TAFA1: variants seen among roughly 807,000 people sequenced by gnomAD.
The protein encoded by TAFA1 is TAFA chemokine like family member 1.
TAFA1 carries 4 observed loss-of-function variants against 18.5 expected under a neutral mutation model. The ratio of observed to expected loss-of-function variants is 0.22; its 90% CI spans 0.11 to 0.49. The LOEUF is 0.49. Among genes scored for constraint, TAFA1 ranks in the 20% least tolerant of loss-of-function variants. The probability of loss-of-function intolerance (pLI) is 0.98; values close to 1 mark genes in which losing one functional copy is unlikely to be tolerated. For synonymous variants in TAFA1, 56 were observed against 55.2 expected (o/e 1.01, Z -0.06); for missense variants, 147 against 169.0 (o/e 0.87, Z 0.72).
Position 68,052,024 on chromosome 3 carries a change from A to G in TAFA1, c.118+45280A>G, listed in dbSNP as rs181343834. ...GTAATTTAAGGAAGTCTTTTTTTCC[A>G]TAAATTACTAAGGTGTCTCTGTCAA... is the stretch of plus-strand genomic sequence containing the variant. On this transcript the variant is annotated intron_variant, in intron 2 of 4. Coordinates refer to ENST00000478136, the MANE Select transcript of TAFA1 (RefSeq NM_213609.4). 7.2e-5 allele frequency among the ~76,000 whole-genome samples: 11 copies of G among 152,206 alleles called. No homozygotes were observed. In the East Asian group the frequency reaches 1.5e-3, roughly 21 times the overall value.
intron 2 of TAFA1, among the ~76,000 whole-genome samples, chr3:68,305,718 C>G (rs926588411): frequency 2.0e-5 from 3 of 151,540 alleles, no homozygotes; most frequent in Admixed American, 6.6e-5. Flanking sequence ...CAAGTATCAC[C>G]AAGGGAAGAG....
rs1320470718 is a variant in TAFA1 at position 68,545,164 on chromosome 3, C to T, written c.*661C>T. On this transcript the variant is annotated 3_prime_UTR_variant, in exon 5 of 5. Coordinates refer to ENST00000478136, the MANE Select transcript of TAFA1 (RefSeq NM_213609.4). ...AATATTAGCATGCAAGCTTGGCTTA[C>T]ATAGTCATACTTTATATTCAATTGA... 2 of 152,542 alleles carry T rather than the reference C, an allele frequency of 1.3e-5. No individual in the cohort carries two copies. The highest frequency in any genetic ancestry group is 4.8e-5 in the African/African-American group (2 of 41,434). The allele number at this position is 152,542 out of a possible 1,614,324, so 9.4% of individuals were successfully genotyped here.
intron 2 of TAFA1, among the ~76,000 whole-genome samples, chr3:68,262,965 A>C (rs2067465539): frequency 6.6e-6 from 1 of 152,232 alleles, no homozygotes; most frequent in African/African-American, 2.4e-5. Flanking sequence ...AAACATTGAC[A>C]CTGCTTATTT....
chr3:68,085,651 G>A (rs554152909), intron 2 of TAFA1, among the ~76,000 whole-genome samples: 2 of 152,118 alleles, frequency 1.3e-5, no homozygotes, highest in South Asian at 4.1e-4. Context: ...GCTTTTATTT[G>A]TTTTTGATTT....
chr3:67,993,174 G>C, the TAFA1 span, among the ~76,000 whole-genome samples: 2 of 152,226 alleles, frequency 1.3e-5, no homozygotes, highest in Non-Finnish European at 2.9e-5. Context: ...TTGGGTAGTA[G>C]GCTTGATACT....
intron 2 of TAFA1, among the ~76,000 whole-genome samples, chr3:68,062,552 C>T (rs1458694845): frequency 6.6e-6 from 1 of 152,148 alleles, no homozygotes; most frequent in Non-Finnish European, 1.5e-5. Context: ...CTTGACCAAA[C>T]CAATGAAAAT....
Position 68,046,084 on chromosome 3 carries a change from C to G in TAFA1, c.118+39340C>G, listed in dbSNP as rs900692515. ...TAATTCCTTCATTTTTCTCTTATCT[C>G]CATTATTTATGTAAGCCATATTCCC... On this transcript the variant is annotated intron_variant, in intron 2 of 4. Transcript: ENST00000478136. Among the ~76,000 whole-genome samples the G allele has an allele frequency of 3.3e-5, 5 of 152,240 alleles. No homozygotes were observed. In the East Asian group the frequency reaches 9.7e-4, roughly 29 times the overall value.
rs1214813037 is a variant in TAFA1, at chr3:68,223,470, A to ATG, written c.119-193800_119-193799dup. The stretch of plus-strand genomic sequence containing the variant: ...AACAATTTCTAATTTTTTTCAGAAT[A>ATG]TGTGTGTGTGTATATATGTATGTAT... On this transcript the variant is annotated intron_variant, in intron 2 of 4. Coordinates refer to ENST00000478136, the MANE Select transcript of TAFA1 (RefSeq NM_213609.4). 2.6e-5 allele frequency among the ~76,000 whole-genome samples: 4 copies of ATG among 152,142 alleles called. No individual in the cohort carries two copies. In the East Asian group the frequency reaches 7.7e-4, roughly 29 times the overall value.
At chr3:68,011,324 C>T (rs932624387) in intron 2 of TAFA1, among the ~76,000 whole-genome samples, 10 of 151,756 alleles carry the variant, frequency 6.6e-5, no homozygotes, top group African/African-American at 9.7e-5. Flanking sequence ...CAGGGGTGTA[C>T]GGAAATGATA....
At chr3:68,164,951 G>A (rs1242225663) in intron 2 of TAFA1, among the ~76,000 whole-genome samples, 1 of 151,990 alleles carries the variant, frequency 6.6e-6, no homozygotes, top group Non-Finnish European at 1.5e-5. Flanking sequence ...ATGCTGTTAT[G>A]TATATGCCTA....
intron 2 of TAFA1, among the ~76,000 whole-genome samples, chr3:68,178,415 A>G (rs2106977701): frequency 6.6e-6 from 1 of 152,326 alleles, no homozygotes; most frequent in South Asian, 2.1e-4. Flanking sequence ...AAACGTTATC[A>G]AAGAAGTAAA....
chr3:68,167,194 T>G (rs1339821907), intron 2 of TAFA1, among the ~76,000 whole-genome samples: 1 of 152,176 alleles, frequency 6.6e-6, no homozygotes, highest in Non-Finnish European at 1.5e-5. Context: ...GTGGGATGTT[T>G]CCTTTATGCT....
intron 3 of TAFA1, among the ~76,000 whole-genome samples, chr3:68,449,929 C>T (rs991379378): frequency 2.3e-4 from 35 of 152,224 alleles, no homozygotes; most frequent in African/African-American, 7.0e-4. Context: ...CTGCTCTTCT[C>T]ACTCACAGGA....
intron 2 of TAFA1, among the ~76,000 whole-genome samples, chr3:68,362,981 T>G (rs2069497293): frequency 3.3e-5 from 1 of 30,580 alleles, no homozygotes; most frequent in African/African-American, 1.3e-4. Context: ...TCTTGCAGGC[T>G]TTTTTTTTTT....
chr3:68,243,239 C>T (rs1051466336), intron 2 of TAFA1, among the ~76,000 whole-genome samples: 2 of 152,124 alleles, frequency 1.3e-5, no homozygotes, highest in Non-Finnish European at 2.9e-5. Context: ...TAATTAACAT[C>T]ATGCATAATA....
chr3:68,529,469 A>G (rs2073157691), intron 3 of TAFA1, among the ~76,000 whole-genome samples: 1 of 144,132 alleles, frequency 6.9e-6, no homozygotes, highest in Admixed American at 7.0e-5. Flanking sequence ...AAAAAAAAGA[A>G]CACAAGCTGC....
intron 3 of TAFA1, among the ~76,000 whole-genome samples, chr3:68,523,357 G>A (rs566112759): frequency 1.1e-4 from 16 of 152,322 alleles, no homozygotes; most frequent in Non-Finnish European, 1.6e-4. Flanking sequence ...AAAGTACTGT[G>A]TAGAGAGAAA....
chr3:68,531,763 A>C (rs2073191491), intron 3 of TAFA1, among the ~76,000 whole-genome samples: 1 of 152,074 alleles, frequency 6.6e-6, no homozygotes, highest in Non-Finnish European at 1.5e-5. Context: ...TTATTATTTT[A>C]GAGAGACAGT....
At chr3:68,289,340 T>C (rs1005819767) in intron 2 of TAFA1, among the ~76,000 whole-genome samples, 16 of 152,212 alleles carry the variant, frequency 1.1e-4, no homozygotes, top group Non-Finnish European at 1.5e-5. Context: ...CTCTTTCCTC[T>C]ATGGTTCATG....
Sources: gnomAD v4.1 joint callset for allele counts (sites outside exome capture counted in the v4.1 genomes callset) on GRCh38, gnomAD v4.1.1 for gene constraint, MANE v1.5 for transcripts, NCBI Gene and HGNC (gene_info 2026-07-23, HGNC 2026-07-21) for gene names.